Variants in PLA2G4C observed in about 807,000 individuals in gnomAD.
PLA2G4C encodes cytosolic phospholipase A2 gamma.
In PLA2G4C, 64 loss-of-function variants were observed where a neutral mutation model predicts 73.8. That is an observed-to-expected ratio of 0.87 (90% confidence interval 0.71 to 1.07). The LOEUF (loss-of-function observed/expected upper bound fraction) is 1.07, where lower values mean the gene tolerates loss of function less well. Among genes scored for constraint, PLA2G4C ranks in the 50% least tolerant of loss-of-function variants. The pLI is 0.00. For missense variants in PLA2G4C, 622 were observed against 665.4 expected (o/e 0.93, Z 0.72); for synonymous variants, 254 against 252.1 (o/e 1.01, Z -0.07).
chr19:48,070,951 C>G (rs1320675442), intron 12 of PLA2G4C, among the ~76,000 whole-genome samples: 1 of 152,086 alleles, frequency 6.6e-6, no homozygotes, highest in Non-Finnish European at 1.5e-5. Context: ...TGGCCTGCCC[C>G]ATGGATTTTG....
intron 13 of PLA2G4C, among the ~76,000 whole-genome samples, chr19:48,066,988 CAT>C (rs374090397): frequency 1.7e-4 from 26 of 148,860 alleles, no homozygotes; most frequent in African/African-American, 4.3e-4. Context: ...CACACACACA[CAT>C]ACACATACAT....
chr19:48,075,831 G>A (rs1024220621), intron 11 of PLA2G4C, among the ~76,000 whole-genome samples: 2 of 152,192 alleles, frequency 1.3e-5, no homozygotes, highest in Non-Finnish European at 2.9e-5. Flanking sequence ...TCACCAGGCT[G>A]GAGTGCAGTG....
intron 4 of PLA2G4C, among the ~76,000 whole-genome samples, chr19:48,101,822 G>A (rs371588611): frequency 3.4e-4 from 52 of 151,534 alleles, no homozygotes; most frequent in African/African-American, 1.1e-3. Flanking sequence ...TTACAGGTGC[G>A]TGCCACCACA....
intron 12 of PLA2G4C, among the ~76,000 whole-genome samples, chr19:48,070,440 T>C (rs895411997): frequency 2.6e-5 from 4 of 152,078 alleles, no homozygotes; most frequent in Admixed American, 6.6e-5. Flanking sequence ...GCCTCATGCA[T>C]GCGTATGCTC....
intron 1 of PLA2G4C, among the ~76,000 whole-genome samples, chr19:48,110,099 G>A (rs1233361695): frequency 3.3e-5 from 5 of 151,564 alleles, no homozygotes; most frequent in South Asian, 4.2e-4. Context: ...TGTAATCCCA[G>A]CACTTTGGAA....
intron 15 of PLA2G4C, among the ~76,000 whole-genome samples, chr19:48,054,355 G>A (rs1472203837): frequency 6.6e-6 from 1 of 152,138 alleles, no homozygotes; most frequent in Non-Finnish European, 1.5e-5. Flanking sequence ...CCAGGCTGGA[G>A]TGCAGGAGCG....
In PLA2G4C at chr19:48,110,655, G is replaced by A; in HGVS notation, c.-201C>T. ...GGATCCTCGGTGCCAAAGCTTCTGT[G>A]GTCCTCCTGCTTTCCTTTTCCCCCT... is the stretch of plus-strand genomic sequence containing the variant. On this transcript the variant is annotated 5_prime_UTR_variant, in exon 1 of 17. Coordinates refer to ENST00000599921, the MANE Select transcript of PLA2G4C (RefSeq NM_003706.3). The A allele has an allele frequency of 1.6e-6, 1 of 618,632 alleles. No homozygotes were observed. Among genetic ancestry groups the A allele is most frequent in the Non-Finnish European group, 2.6e-6 (1 of 383,864 alleles). The allele number at this position is 618,632 out of a possible 1,614,324, so 38.3% of individuals were successfully genotyped here.
At chr19:48,082,025 G>A (rs957834315) in intron 10 of PLA2G4C, among the ~76,000 whole-genome samples, 3 of 151,976 alleles carry the variant, frequency 2.0e-5, no homozygotes, top group Non-Finnish European at 4.4e-5. Flanking sequence ...AGGTTGCAGT[G>A]AGACGAGATC....
At chr19:48,077,175 T>C (rs1344513563) in intron 11 of PLA2G4C, among the ~76,000 whole-genome samples, 5 of 152,156 alleles carry the variant, frequency 3.3e-5, no homozygotes, top group Non-Finnish European at 7.3e-5. Context: ...CTGACGACTA[T>C]GTACATGGAT....
At chr19:48,067,557 A>T (rs1463453012) in intron 13 of PLA2G4C, among the ~76,000 whole-genome samples, 1 of 152,194 alleles carries the variant, frequency 6.6e-6, no homozygotes, top group Non-Finnish European at 1.5e-5. Flanking sequence ...GAAAGCCATC[A>T]GTGAGGCTTT....
intron 1 of PLA2G4C, among the ~76,000 whole-genome samples, chr19:48,107,616 T>C (rs1478185378): frequency 6.6e-6 from 1 of 152,072 alleles, no homozygotes; most frequent in Non-Finnish European, 1.5e-5. Flanking sequence ...GGAGTCTCCC[T>C]TTCCCCGGGG....
intron 6 of PLA2G4C, chr19:48,097,251 C>CTTTTTTTTTTTTTTT (rs1176855747): frequency 5.8e-5 from 5 of 86,574 alleles, no homozygotes; most frequent in Non-Finnish European, 1.1e-4. Flanking sequence ...TTTCTTTTTT[C>CTTTTTTTTTTTTTTT]TTTTTTTTTT....
At chr19:48,083,392 C>CTTTTTTTTTTTTTTTGTTTTTTTTCTTT (rs2030737845) in intron 10 of PLA2G4C, among the ~76,000 whole-genome samples, 1 of 105,838 alleles carries the variant, frequency 9.4e-6, no homozygotes, top group Non-Finnish European at 1.9e-5. Context: ...ATTTTCTTTT[C>CTTTTTTTTTTTTTTTGTTTTTTTTCTTT]TTTTTTTTTT....
rs2032449520 is a variant in PLA2G4C at position 48,110,531 on chromosome 19, T to TGCTCCGGAATCCGGTGCGGGGGCTTGG, written c.-78_-77insCCAAGCCCCCGCACCGGATTCCGGAGC. ...GTGTGCGCATGCGCGGTGGAGCTTG[T>TGCTCCGGAATCCGGTGCGGGGGCTTGG]GCTCCGGAATCCGGTGCGGAGGCTT... On this transcript the variant is annotated 5_prime_UTR_variant, in exon 1 of 17. Coordinates refer to ENST00000599921, the MANE Select transcript of PLA2G4C (RefSeq NM_003706.3). The TGCTCCGGAATCCGGTGCGGGGGCTTGG allele has an allele frequency of 2.2e-6, 3 of 1,387,008 alleles. No individual in the cohort carries two copies. The highest frequency in any genetic ancestry group is 2.3e-5 in the Admixed American group (1 of 44,396). The allele number at this position is 1,387,008 out of a possible 1,614,324, so 85.9% of individuals were successfully genotyped here. A position where few individuals can be genotyped will look rare whatever the true frequency, so the allele number is the denominator to read the frequency against.
At chr19:48,085,199 A>C (rs2030904394) in intron 9 of PLA2G4C, 87 bp from the exon 10 acceptor site, 1 of 920,248 alleles carries the variant, frequency 1.1e-6, no homozygotes, top group Non-Finnish European at 1.8e-6. Flanking sequence ...GACTGGCATA[A>C]AGCACTGCAG....
At chr19:48,051,608 C>T (rs1276041279) in intron 16 of PLA2G4C, among the ~76,000 whole-genome samples, 1 of 151,700 alleles carries the variant, frequency 6.6e-6, no homozygotes, top group African/African-American at 2.4e-5. Flanking sequence ...ACTTAAAAAC[C>T]ATCAGATCTC....
chr19:48,095,018 G>C (rs536445369), intron 7 of PLA2G4C, among the ~76,000 whole-genome samples: 13 of 152,250 alleles, frequency 8.5e-5, no homozygotes, highest in Admixed American at 2.6e-4. Flanking sequence ...CTCCTGAGTA[G>C]CTGGGACCAC....
chr19:48,099,089 T>C (rs1013431302), intron 5 of PLA2G4C, among the ~76,000 whole-genome samples: 2 of 119,708 alleles, frequency 1.7e-5, no homozygotes, highest in African/African-American at 6.8e-5. Context: ...GCAAGATCCC[T>C]GTCTCTACAA....
chr19:48,086,406 T>A (rs114706862), intron 9 of PLA2G4C, among the ~76,000 whole-genome samples: 4,165 of 152,174 alleles, frequency 0.027, 149 homozygotes, highest in African/African-American at 0.083. Flanking sequence ...CTCTGGATTA[T>A]CAGCACATGG....
Sources: allele counts gnomAD v4.1 joint callset (sites outside exome capture counted in the v4.1 genomes callset), GRCh38; gene constraint gnomAD v4.1.1; transcripts MANE v1.5; gene names NCBI Gene and HGNC (gene_info 2026-07-23, HGNC 2026-07-21).